Variants in NBAS observed in about 807,000 individuals in gnomAD.
NBAS encodes the protein NAG/BC035112 fusion.
NBAS carries 219 observed loss-of-function variants against 302.5 expected under a neutral mutation model. The ratio of observed to expected loss-of-function variants is 0.72; its 90% confidence interval spans 0.65 to 0.81. NBAS has a LOEUF of 0.81. Among genes scored for constraint, NBAS ranks in the 30% least tolerant of loss-of-function variants. The probability of loss-of-function intolerance (pLI) is 0.00; values close to 1 mark genes in which losing one functional copy is unlikely to be tolerated. For synonymous variants in NBAS, 1,118 were observed against 1,021.6 expected (o/e 1.09, Z -1.80); for missense variants, 2,932 against 2,841.6 (o/e 1.03, Z -0.72).
chr2:15,257,061 C>G (rs1460408480), intron 44 of NBAS, among the ~76,000 whole-genome samples: 1 of 152,098 alleles, frequency 6.6e-6, no homozygotes, highest in Admixed American at 6.6e-5. Flanking sequence ...ATACTGGCTT[C>G]CCAGAATGAT....
the NBAS span, among the ~76,000 whole-genome samples, chr2:14,918,498 G>T: frequency 6.6e-6 from 1 of 152,184 alleles, no homozygotes; most frequent in South Asian, 2.1e-4. Context: ...GAGAAGTACT[G>T]CAGGCAGAGA....
At chr2:15,415,071 T>A (rs546175567) in intron 25 of NBAS, among the ~76,000 whole-genome samples, 1 of 152,222 alleles carries the variant, frequency 6.6e-6, no homozygotes, top group Non-Finnish European at 1.5e-5. Flanking sequence ...GTGTACTGGT[T>A]AAGGACACAG....
chr2:14,906,193 T>C, the NBAS span, among the ~76,000 whole-genome samples: 1 of 152,192 alleles, frequency 6.6e-6, no homozygotes, highest in African/African-American at 2.4e-5. Context: ...GCCACAGCAG[T>C]ACCTACCCTT....
Position 15,478,341 on chromosome 2 carries a change from G to A in NBAS, c.1084-52C>T, listed in dbSNP as rs775548229. ...AGTGAACTATGTAAGAAAATTATAA[G>A]AAAATCATCAAGAACTGTGGACTTT... On this transcript the variant is annotated intron_variant, in intron 12 of 51. Transcript: ENST00000281513. The A allele has an allele frequency of 9.7e-6, 13 of 1,333,382 alleles. No homozygotes were observed. In the South Asian group the frequency reaches 1.3e-4, roughly 13 times the overall value. 82.6% of individuals were successfully genotyped at this position (1,333,382 alleles called of 1,614,324 possible). A position where few individuals can be genotyped will look rare whatever the true frequency, so the allele number is the denominator to read the frequency against.
chr2:14,869,733 T>C, the NBAS span, among the ~76,000 whole-genome samples: 1 of 152,164 alleles, frequency 6.6e-6, no homozygotes, highest in Admixed American at 6.5e-5. Context: ...TCTTGGGCCA[T>C]GACTGCTGCC....
the NBAS span, among the ~76,000 whole-genome samples, chr2:15,000,867 T>C: frequency 6.6e-6 from 1 of 152,196 alleles, no homozygotes. Flanking sequence ...AGTCATGTTC[T>C]CACAGCACCT....
At chr2:14,996,844 C>T in the NBAS span, among the ~76,000 whole-genome samples, 2,267 of 152,216 alleles carry the variant, frequency 0.015, 69 homozygotes, top group African/African-American at 0.052. Flanking sequence ...TTCTCTCTAG[C>T]AAAGCTGTGT....
chr2:15,380,815 T>C (rs1674998345), intron 29 of NBAS, among the ~76,000 whole-genome samples: 1 of 152,090 alleles, frequency 6.6e-6, no homozygotes, highest in South Asian at 2.1e-4. Flanking sequence ...AAAGTAACAT[T>C]TAATGGAGAA....
At chr2:14,987,451 C>T in the NBAS span, among the ~76,000 whole-genome samples, 1 of 149,526 alleles carries the variant, frequency 6.7e-6, no homozygotes, top group Non-Finnish European at 1.5e-5. Context: ...TTAATACTGA[C>T]AGGTATTTCT....
At chr2:14,795,474 C>CAT in the NBAS span, among the ~76,000 whole-genome samples, 178 of 147,838 alleles carry the variant, frequency 1.2e-3, 4 homozygotes, top group Admixed American at 2.1e-3. Context: ...CAAGATTTTA[C>CAT]ATATATATAT....
chr2:15,124,334 C>A, the NBAS span, among the ~76,000 whole-genome samples: 6 of 152,208 alleles, frequency 3.9e-5, no homozygotes, highest in African/African-American at 1.4e-4. Flanking sequence ...CTTCTAACAG[C>A]CTACAATCAG....
the NBAS span, among the ~76,000 whole-genome samples, chr2:15,121,527 G>A: frequency 2.0e-5 from 3 of 152,090 alleles, no homozygotes; most frequent in Non-Finnish European, 2.9e-5. Context: ...GCCCGAGGAT[G>A]GAATTCAGGC....
Position 15,415,556 on chromosome 2 carries a change from G to A in NBAS, c.2927C>T (p.Ser976Phe). 1 of 1,613,994 alleles carries A rather than the reference G, an allele frequency of 6.2e-7. No homozygotes were observed. Among genetic ancestry groups the A allele is most frequent in the Non-Finnish European group, 8.5e-7 (1 of 1,179,882 alleles). Residue 976 changes from serine (S) to phenylalanine (F), a missense_variant, in exon 25 of 52, where the codon TCC (serine) becomes TTC (phenylalanine). Ser to Phe is a radical substitution (Grantham distance 155, BLOSUM62 -2). Coordinates refer to ENST00000281513, the MANE Select transcript of NBAS (RefSeq NM_015909.4). ...TTAGTTTCTACTTACATCTGGTTTG[G>A]AATGCTGAAATATCTTCAGGGGAAA... ...LKFPLKIFQH[S>F]KPDLQQKIIP...
chr2:15,464,996 A>T (rs911667935), intron 19 of NBAS, among the ~76,000 whole-genome samples: 4 of 152,224 alleles, frequency 2.6e-5, no homozygotes, highest in Non-Finnish European at 5.9e-5. Context: ...TATTTGGACA[A>T]ATTACTTACC....
the NBAS span, among the ~76,000 whole-genome samples, chr2:14,921,735 G>T: frequency 4.6e-5 from 7 of 152,142 alleles, no homozygotes; most frequent in Non-Finnish European, 1.0e-4. Flanking sequence ...GTGTGTGTGT[G>T]ATTCGTGTAT....
rs149833405 is a variant in NBAS, at chr2:15,370,503, C to T, written c.3704-3810G>A. On this transcript the variant is annotated intron_variant, in intron 31 of 51. Coordinates refer to ENST00000281513, the MANE Select transcript of NBAS (RefSeq NM_015909.4). Reference sequence around the variant, plus strand: ...AATAGAGACGGGTTTTGCCATGTTGCCAAGGCTGGTCTCAAACTCCTGAGC... The same window carrying T: ...AATAGAGACGGGTTTTGCCATGTTGTCAAGGCTGGTCTCAAACTCCTGAGC... Among the ~76,000 whole-genome samples, 1,517 of 152,210 alleles carry T rather than the reference C, an allele frequency of 1.0e-2. 12 individuals are homozygous for T. Among genetic ancestry groups the T allele is most frequent in the South Asian group, 0.033 (161 of 4,822 alleles).
chr2:15,025,593 G>A, the NBAS span, among the ~76,000 whole-genome samples: 1 of 152,176 alleles, frequency 6.6e-6, no homozygotes, highest in Non-Finnish European at 1.5e-5. Context: ...TCTTATCCAT[G>A]AGGATGGAAT....
intron 42 of NBAS, among the ~76,000 whole-genome samples, chr2:15,280,103 T>C (rs755298945): frequency 6.6e-6 from 1 of 152,190 alleles, no homozygotes; most frequent in African/African-American, 2.4e-5. Context: ...GAAGCCAGCA[T>C]TAGTTGCACT....
intron 31 of NBAS, among the ~76,000 whole-genome samples, chr2:15,367,264 A>C (rs1196252672): frequency 2.6e-5 from 4 of 152,130 alleles, no homozygotes; most frequent in Admixed American, 2.6e-4. Flanking sequence ...TCAAACTATA[A>C]AGAAATGAAA....
Sources: allele counts gnomAD v4.1 joint callset (sites outside exome capture counted in the v4.1 genomes callset), GRCh38; gene constraint gnomAD v4.1.1; transcripts MANE v1.5; gene names NCBI Gene and HGNC (gene_info 2026-07-23, HGNC 2026-07-21).